The following CCDC146 variants were observed in gnomAD, a reference collection of about 807,000 sequenced individuals.
CCDC146 encodes coiled-coil domain containing 146.
A neutral mutation model predicts 119.3 loss-of-function variants in CCDC146; 92 were observed. That is an observed-to-expected ratio of 0.77 (90% CI 0.65 to 0.92). The LOEUF is 0.92. CCDC146 is among the 40% of genes least tolerant of loss of function. The pLI is 0.00. For synonymous variants in CCDC146, 372 were observed against 371.8 expected, an observed-to-expected ratio of 1.00 and a Z score of -0.01; for missense variants, 1,000 against 1,103.0, an observed-to-expected ratio of 0.91 and a Z score of 1.32.
At chr7:77,280,933 C>G (rs1398315947) in intron 14 of CCDC146, among the ~76,000 whole-genome samples, 1 of 152,074 alleles carries the variant, frequency 6.6e-6, no homozygotes, top group Non-Finnish European at 1.5e-5. Context: ...GAAACCCCAT[C>G]CCTACTAAAA....
At chr7:77,145,647 C>G (rs1166492329) in intron 1 of CCDC146, among the ~76,000 whole-genome samples, 2 of 152,096 alleles carry the variant, frequency 1.3e-5, no homozygotes, top group Non-Finnish European at 2.9e-5. Context: ...CAAAGAACAT[C>G]TTTATTTCTG....
intron 2 of CCDC146, among the ~76,000 whole-genome samples, chr7:77,211,835 T>C (rs1429407131): frequency 2.6e-5 from 4 of 152,048 alleles, no homozygotes; most frequent in Non-Finnish European, 5.9e-5. Context: ...AGTCTGGTCT[T>C]GAACTCCTGA....
chr7:77,276,755 G>T (rs1793649655), intron 11 of CCDC146, among the ~76,000 whole-genome samples: 1 of 152,156 alleles, frequency 6.6e-6, no homozygotes, highest in South Asian at 2.1e-4. Flanking sequence ...AGGACAAGGA[G>T]AGGAGAGAGG....
intron 4 of CCDC146, among the ~76,000 whole-genome samples, chr7:77,249,510 A>T (rs929925379): frequency 6.9e-5 from 10 of 145,622 alleles, no homozygotes; most frequent in African/African-American, 2.2e-4. Context: ...AAAAAAAAGA[A>T]TTCATTAGGT....
In CCDC146 at chr7:77,192,101, A is replaced by G. The variant is rs574592688; in HGVS notation, c.156+24277A>G. 1.4e-4 allele frequency among the ~76,000 whole-genome samples: 22 copies of G among 151,796 alleles called. No homozygotes were observed. In the East Asian group the frequency reaches 4.3e-3, roughly 30 times the overall value. On this transcript the variant is annotated intron_variant, in intron 2 of 18. Coordinates refer to ENST00000285871, the MANE Select transcript of CCDC146 (RefSeq NM_020879.3). Reference sequence around the variant, plus strand: ...GCCACCACACCTGGCTAATTTTTGTATTTTTAGTAGAGATGGGGTTTCACC... The same window carrying G: ...GCCACCACACCTGGCTAATTTTTGTGTTTTTAGTAGAGATGGGGTTTCACC...
At chr7:77,246,074 A>G (rs1358369730) in intron 4 of CCDC146, among the ~76,000 whole-genome samples, 1 of 151,694 alleles carries the variant, frequency 6.6e-6, no homozygotes, top group Non-Finnish European at 1.5e-5. Flanking sequence ...ACATTTGCTT[A>G]TGTGACTCTG....
At chr7:77,156,032 G>A (rs1264906514) in intron 1 of CCDC146, among the ~76,000 whole-genome samples, 1 of 152,138 alleles carries the variant, frequency 6.6e-6, no homozygotes, top group East Asian at 1.9e-4. Context: ...GCAAGGGGAT[G>A]GTGAAATGAA....
chr7:77,194,633 T>A (rs1035500495), intron 2 of CCDC146: 2 of 152,228 alleles, frequency 1.3e-5, no homozygotes, highest in East Asian at 3.9e-4. Context: ...TTAATCATTT[T>A]AAAATAATGG....
At chr7:77,289,016 C>T (rs1399123585) in intron 17 of CCDC146, among the ~76,000 whole-genome samples, 1 of 148,772 alleles carries the variant, frequency 6.7e-6, no homozygotes, top group African/African-American at 2.5e-5. Flanking sequence ...ACTTCCATGA[C>T]TAGACTGATC....
chr7:77,262,415 G>T (rs891225737), intron 9 of CCDC146, 108 bp downstream of exon 9: 5 of 807,352 alleles, frequency 6.2e-6, no homozygotes, highest in Non-Finnish European at 9.4e-6. Flanking sequence ...GAAAATACAA[G>T]TAACAGAGAA....
chr7:77,186,674 C>T (rs1791672458), intron 2 of CCDC146, among the ~76,000 whole-genome samples: 1 of 151,924 alleles, frequency 6.6e-6, no homozygotes, highest in Non-Finnish European at 1.5e-5. Context: ...ATGAATGCCC[C>T]TATAAACACT....
chr7:77,169,916 C>T (rs1007763868), intron 2 of CCDC146, among the ~76,000 whole-genome samples: 3 of 151,998 alleles, frequency 2.0e-5, no homozygotes, highest in Non-Finnish European at 4.4e-5. Flanking sequence ...AGCTTCTAGC[C>T]CCTCTCAGTG....
At chr7:77,217,092 G>T (rs1792314594) in intron 2 of CCDC146, among the ~76,000 whole-genome samples, 1 of 151,922 alleles carries the variant, frequency 6.6e-6, no homozygotes, top group African/African-American at 2.4e-5. Flanking sequence ...ATGTTTATAT[G>T]ATCTTTTCAT....
intron 11 of CCDC146, among the ~76,000 whole-genome samples, chr7:77,275,675 G>A (rs964878469): frequency 6.6e-6 from 1 of 152,004 alleles, no homozygotes; most frequent in Admixed American, 6.6e-5. Flanking sequence ...TCATTTAATC[G>A]AATGCCAGAT....
chr7:77,143,494 G>A (rs976083297), intron 1 of CCDC146, among the ~76,000 whole-genome samples: 7 of 151,942 alleles, frequency 4.6e-5, no homozygotes, highest in Admixed American at 6.6e-5. Flanking sequence ...CCTTGCCCAT[G>A]CCTATGTCCT....
chr7:77,264,316 G>A (rs1243309353), intron 9 of CCDC146, among the ~76,000 whole-genome samples: 4 of 151,962 alleles, frequency 2.6e-5, no homozygotes, highest in Non-Finnish European at 2.9e-5. Context: ...CTGAAGTGCA[G>A]GCACCATCTC....
In CCDC146 at chr7:77,292,949, T is replaced by C. The variant is rs1197741787; in HGVS notation, c.2416-3T>C. On this transcript the variant is annotated splice_polypyrimidine_tract_variant and splice_region_variant and intron_variant, in intron 17 of 18. Coordinates refer to ENST00000285871, the MANE Select transcript of CCDC146 (RefSeq NM_020879.3). Reference sequence around the variant, plus strand: ...GACTAAGCTTTGGGCTCTTTAATTCTAGATGAATGGCTATCAAAGAAGGAT... The same window carrying C: ...GACTAAGCTTTGGGCTCTTTAATTCCAGATGAATGGCTATCAAAGAAGGAT... 1.2e-6 allele frequency: 2 copies of C among 1,612,778 alleles called. No individual in the cohort carries two copies. Among genetic ancestry groups the C allele is most frequent in the Non-Finnish European group, 1.7e-6 (2 of 1,179,866 alleles).
intron 1 of CCDC146, among the ~76,000 whole-genome samples, chr7:77,143,184 C>G (rs1168914140): frequency 6.6e-6 from 1 of 151,832 alleles, no homozygotes; most frequent in East Asian, 1.9e-4. Context: ...AGCATTTTTT[C>G]ATGTGTCTGT....
chr7:77,139,003 C>T (rs1352006315), intron 1 of CCDC146, among the ~76,000 whole-genome samples: 10 of 152,186 alleles, frequency 6.6e-5, no homozygotes, highest in South Asian at 2.1e-4. Flanking sequence ...CAATCATGCT[C>T]CTTAATATTT....
Sources: allele counts gnomAD v4.1 joint callset (sites outside exome capture counted in the v4.1 genomes callset), GRCh38; gene constraint gnomAD v4.1.1; transcripts MANE v1.5; gene names NCBI Gene and HGNC (gene_info 2026-07-23, HGNC 2026-07-21).